MOK: variants seen among roughly 807,000 people sequenced by gnomAD.
The protein encoded by MOK is MOK protein kinase, also known as MAPK/MAK/MRK overlapping kinase.
Under a neutral mutation model 54.2 loss-of-function variants are expected in MOK, and 59 were observed. That is an observed-to-expected ratio of 1.09 (90% CI 0.88 to 1.35). MOK has a LOEUF of 1.35. MOK is among the 40% of genes most tolerant of loss of function. The pLI, the probability that MOK is intolerant of heterozygous loss-of-function variation, is 0.00. For synonymous variants in MOK, 210 were observed against 202.7 expected, an observed-to-expected ratio of 1.04 and a Z score of -0.31; for missense variants, 517 against 526.2, an observed-to-expected ratio of 0.98 and a Z score of 0.17.
In MOK at chr14:102,232,391, G is replaced by A. The variant is rs544209019; in HGVS notation, c.866+144C>T. ...AGGCAGCACGGTGTGGGCCCCAAGA[G>A]GCCCTGACCACTCTTCAGGATAGAG... On this transcript the variant is annotated intron_variant, in intron 9 of 11. Transcript: ENST00000361847. The surrounding 1 kb of genome is among the most constrained non-coding windows in gnomAD (Gnocchi z 5.1). The A allele has an allele frequency of 2.2e-6, 2 of 919,760 alleles. No individual in the cohort carries two copies. The highest frequency in any genetic ancestry group is 2.6e-5 in the Admixed American group (1 of 38,854). The allele number at this position is 919,760 out of a possible 1,614,324, so 57.0% of individuals were successfully genotyped here. A position where few individuals can be genotyped will look rare whatever the true frequency, so the allele number is the denominator to read the frequency against.
At chr14:102,234,622 C>T (rs1409202692) in intron 7 of MOK, among the ~76,000 whole-genome samples, 1 of 152,094 alleles carries the variant, frequency 6.6e-6, no homozygotes, top group Non-Finnish European at 1.5e-5. Context: ...CTATGGGAGC[C>T]TCTCAGTCTA....
intron 4 of MOK, among the ~76,000 whole-genome samples, chr14:102,262,805 T>G (rs1044409887): frequency 2.6e-5 from 4 of 152,254 alleles, no homozygotes; most frequent in Non-Finnish European, 2.9e-5. Flanking sequence ...CATGTGACAG[T>G]AGGACAGTTG....
chr14:102,227,791 G>A (rs2064314186), downstream of MOK, among the ~76,000 whole-genome samples: 1 of 152,124 alleles, frequency 6.6e-6, no homozygotes, highest in Admixed American at 6.5e-5. Context: ...CGTGGCCCGC[G>A]GTCCATCTCC....
rs1250158605 is a variant in MOK at position 102,229,386 on chromosome 14, GAC to G, written c.1183-22_1183-21del. On this transcript the variant is annotated intron_variant, in intron 11 of 11. Transcript: ENST00000361847. ...ATCTGTCTGTCAAAGAAAAATTACA[GAC>G]ACAAAATTCAGTGGCGGCCTGGGCT... The G allele has an allele frequency of 1.2e-6, 2 of 1,613,848 alleles. No individual in the cohort carries two copies. Among genetic ancestry groups the G allele is most frequent in the Non-Finnish European group, 8.5e-7 (1 of 1,179,806 alleles).
intron 1 of MOK, among the ~76,000 whole-genome samples, chr14:102,298,560 G>A (rs2153192973): frequency 6.6e-6 from 1 of 152,334 alleles, no homozygotes; most frequent in South Asian, 2.1e-4. Context: ...CTCAGGGATT[G>A]TAAACGCACC....
At position 102,305,071 on chromosome 14, in the gene MOK, C is replaced by A; in HGVS notation, c.-103G>T. Reference sequence around the variant, plus strand: ...TTTCCACTTCCCTGAGGCGGGGTCCCGCACTAGGATCTCCGTGGTGGTCCC... The same window carrying A: ...TTTCCACTTCCCTGAGGCGGGGTCCAGCACTAGGATCTCCGTGGTGGTCCC... On this transcript the variant is annotated 5_prime_UTR_variant, in exon 1 of 12. Transcript: ENST00000361847. 2 of 1,365,688 alleles carry A rather than the reference C, an allele frequency of 1.5e-6. No individual in the cohort carries two copies. Among genetic ancestry groups the A allele is most frequent in the East Asian group, 2.5e-5 (1 of 40,632 alleles). The allele number at this position is 1,365,688 out of a possible 1,614,324, so 84.6% of individuals were successfully genotyped here. A position where few individuals can be genotyped will look rare whatever the true frequency, so the allele number is the denominator to read the frequency against.
At chr14:102,253,201 T>C (rs1486252804) in intron 4 of MOK, among the ~76,000 whole-genome samples, 1 of 152,226 alleles carries the variant, frequency 6.6e-6, no homozygotes, top group African/African-American at 2.4e-5. Context: ...AATGTAGTAA[T>C]TGTACCTACT....
chr14:102,279,932 G>A (rs567160544), intron 2 of MOK, among the ~76,000 whole-genome samples: 1 of 152,082 alleles, frequency 6.6e-6, no homozygotes, highest in South Asian at 2.1e-4. Flanking sequence ...GGAGGGGGTA[G>A]GGGTCAGAGG....
At chr14:102,267,682 A>G (rs1462426197) in intron 2 of MOK, among the ~76,000 whole-genome samples, 2 of 152,204 alleles carry the variant, frequency 1.3e-5, no homozygotes, top group African/African-American at 4.8e-5. Flanking sequence ...GAGCCTAAGA[A>G]TATTTTTGGA....
the MOK span, among the ~76,000 whole-genome samples, chr14:102,218,925 G>C: frequency 6.6e-6 from 1 of 152,362 alleles, no homozygotes; most frequent in African/African-American, 2.4e-5. Context: ...CCCCTTGCCA[G>C]GTCCTCCGTC....
At chr14:102,226,513 G>A (rs939581488), downstream of MOK, 20 of 695,274 alleles carry the variant, frequency 2.9e-5, no homozygotes, top group Admixed American at 2.4e-4. This position sits in a 1 kb window ranked among gnomAD's most constrained non-coding sequence, Gnocchi z 4.8. Flanking sequence ...CAGAGGCCCC[G>A]CCGGGGCCCC....
At chr14:102,227,221 C>T (rs373202395), downstream of MOK, among the ~76,000 whole-genome samples, 3 of 152,194 alleles carry the variant, frequency 2.0e-5, no homozygotes, top group South Asian at 2.1e-4. Flanking sequence ...CAAGTACACA[C>T]TCAATCCGTT....
intron 8 of MOK, 47 bp downstream of exon 8, chr14:102,233,641 C>G: frequency 6.6e-7 from 1 of 1,519,288 alleles, no homozygotes; most frequent in Non-Finnish European, 9.1e-7. Flanking sequence ...GCTGCAGGTC[C>G]TAGCAGGGGA....
At chr14:102,285,709 T>C (rs2069967295) in intron 1 of MOK, among the ~76,000 whole-genome samples, 1 of 151,958 alleles carries the variant, frequency 6.6e-6, no homozygotes, top group Non-Finnish European at 1.5e-5. Flanking sequence ...CTGGACAACA[T>C]GGTGAAACCA....
chr14:102,250,686 A>T, intron 7 of MOK, 126 bp downstream of exon 7: 1 of 999,130 alleles, frequency 1.0e-6, no homozygotes, highest in Non-Finnish European at 1.4e-6. Context: ...CTGTTAAATT[A>T]AAAACAGTAA....
chr14:102,276,485 AAATT>A (rs1450587704), intron 2 of MOK, among the ~76,000 whole-genome samples: 2 of 152,010 alleles, frequency 1.3e-5, no homozygotes, highest in Non-Finnish European at 2.9e-5. Context: ...TCAAATAAAT[AAATT>A]AATTAATTAA....
intron 2 of MOK, chr14:102,277,280 G>GA (rs2068966798): frequency 6.6e-6 from 1 of 152,010 alleles, no homozygotes; most frequent in Admixed American, 6.6e-5. Flanking sequence ...AATGGATAAA[G>GA]AAATTGTGTT....
At chr14:102,283,054 C>T (rs1263409702) in intron 2 of MOK, 1 of 42,864 alleles carries the variant, frequency 2.3e-5, no homozygotes, top group Non-Finnish European at 5.2e-5. Context: ...ACTCTGTCTC[C>T]AAAAAAAAAA....
intron 2 of MOK, among the ~76,000 whole-genome samples, chr14:102,267,159 A>G (rs1462886844): frequency 6.6e-6 from 1 of 152,180 alleles, no homozygotes; most frequent in Non-Finnish European, 1.5e-5. Context: ...TTGTGGGACT[A>G]TTTTTTCAAC....
Sources: allele counts gnomAD v4.1 joint callset (sites outside exome capture counted in the v4.1 genomes callset), GRCh38; gene constraint gnomAD v4.1.1; non-coding constraint Gnocchi (gnomAD v3.1); transcripts MANE v1.5; gene names NCBI Gene and HGNC (gene_info 2026-07-23, HGNC 2026-07-21).